Variants in IGF1R observed in about 807,000 individuals in gnomAD.
IGF1R encodes insulin like growth factor 1 receptor.
IGF1R carries 44 observed loss-of-function variants against 144.6 expected under a neutral mutation model. That is an observed-to-expected ratio of 0.30 (90% confidence interval 0.24 to 0.39). The LOEUF is 0.39. Ranked by LOEUF, IGF1R falls within the 10% of genes least tolerant of loss-of-function variation. IGF1R has a pLI of 1.00. For synonymous variants in IGF1R, 795 were observed against 722.8 expected (o/e 1.10, Z -1.60); for missense variants, 1,355 against 1,833.7 (o/e 0.74, Z 4.77).
At chr15:98,919,528 G>T (rs902097922) in intron 10 of IGF1R, among the ~76,000 whole-genome samples, 1 of 152,158 alleles carries the variant, frequency 6.6e-6, no homozygotes, top group Admixed American at 6.5e-5. Context: ...GTGAAGTGAC[G>T]TGAAGGCAGA....
At chr15:98,820,232 T>TA (rs2056776661) in intron 2 of IGF1R, among the ~76,000 whole-genome samples, 8 of 152,084 alleles carry the variant, frequency 5.3e-5, no homozygotes, top group Non-Finnish European at 7.4e-5. Context: ...ATTCTAGCCT[T>TA]TTTCTCTGGT....
intron 2 of IGF1R, among the ~76,000 whole-genome samples, chr15:98,768,844 C>T (rs1402876632): frequency 6.7e-6 from 1 of 150,032 alleles, no homozygotes; most frequent in Non-Finnish European, 1.5e-5. Flanking sequence ...AGGAGAATGG[C>T]GTGAGCCCAG....
intron 2 of IGF1R, among the ~76,000 whole-genome samples, chr15:98,886,486 A>G (rs77483515): frequency 1.6e-3 from 239 of 152,250 alleles, no homozygotes; most frequent in African/African-American, 5.6e-3. Flanking sequence ...GGGCAAAATC[A>G]GTTTGCTTTT....
chr15:98,886,826 T>A (rs560829706), intron 2 of IGF1R, among the ~76,000 whole-genome samples: 2 of 152,320 alleles, frequency 1.3e-5, no homozygotes, highest in African/African-American at 4.8e-5. Context: ...GCTCCAGGAC[T>A]CTCTAATCCC....
chr15:98,956,297 G>A (rs74032132), intron 20 of IGF1R, among the ~76,000 whole-genome samples: 300 of 152,346 alleles, frequency 2.0e-3, no homozygotes, highest in African/African-American at 7.0e-3. Flanking sequence ...ATCCTGTTCT[G>A]CCTGTCCCTT....
At chr15:98,700,480 G>A (rs1017291810) in intron 1 of IGF1R, among the ~76,000 whole-genome samples, 4 of 152,162 alleles carry the variant, frequency 2.6e-5, no homozygotes, top group African/African-American at 4.8e-5. Context: ...GCTTAGGCCA[G>A]CAGCATCAGC....
chr15:98,747,470 A>C (rs897273049), intron 2 of IGF1R, among the ~76,000 whole-genome samples: 9 of 152,222 alleles, frequency 5.9e-5, no homozygotes, highest in African/African-American at 2.2e-4. Flanking sequence ...TGCTGGGATT[A>C]CAGCCACTGT....
intron 1 of IGF1R, among the ~76,000 whole-genome samples, chr15:98,699,966 T>C (rs1178608680): frequency 2.0e-5 from 3 of 152,184 alleles, no homozygotes; most frequent in African/African-American, 4.8e-5. Context: ...CTGTGTGAAA[T>C]GGGAATGTAT....
intron 2 of IGF1R, among the ~76,000 whole-genome samples, chr15:98,737,024 C>A (rs1044206809): frequency 6.6e-6 from 1 of 152,092 alleles, no homozygotes; most frequent in African/African-American, 2.4e-5. Context: ...AAGATGTATT[C>A]AAAGTCAGTC....
intron 2 of IGF1R, among the ~76,000 whole-genome samples, chr15:98,775,262 C>G (rs1265459382): frequency 6.6e-6 from 1 of 152,122 alleles, no homozygotes; most frequent in South Asian, 2.1e-4. Flanking sequence ...CTTTTGTGTC[C>G]TGCCCCATCT....
chr15:98,661,584 C>T (rs1290447730), intron 1 of IGF1R, among the ~76,000 whole-genome samples: 2 of 152,176 alleles, frequency 1.3e-5, no homozygotes, highest in African/African-American at 4.8e-5. Context: ...GACAGCCTGG[C>T]CTGTCTTTGC....
At position 98,962,593 on chromosome 15, in the gene IGF1R, T is replaced by C. The variant is rs28393861; in HGVS notation, c.*5151T>C. 0.018 allele frequency: 4,259 copies of C among 233,772 alleles called. 50 individuals carry two copies. Among genetic ancestry groups the C allele is most frequent in the Middle Eastern group, 0.037 (29 of 788 alleles). 14.5% of individuals were successfully genotyped at this position (233,772 alleles called of 1,614,324 possible). On this transcript the variant is annotated 3_prime_UTR_variant, in exon 21 of 21. Transcript: ENST00000650285. ...CATCTTAGATGACTGGTTGCGTCAT[T>C]TGGAGAAGTGAGTGCTCCTTGATGG...
intron 2 of IGF1R, among the ~76,000 whole-genome samples, chr15:98,736,813 T>C (rs536134944): frequency 2.7e-4 from 41 of 152,080 alleles, no homozygotes; most frequent in Non-Finnish European, 5.3e-4. Flanking sequence ...CGTTTCACCA[T>C]GTTGCCCAGG....
chr15:98,938,144 G>T (rs1464298758), intron 17 of IGF1R, among the ~76,000 whole-genome samples: 1 of 152,218 alleles, frequency 6.6e-6, no homozygotes, highest in African/African-American at 2.4e-5. Flanking sequence ...CATTGACTAT[G>T]TGCCACGCAC....
chr15:98,771,858 A>G (rs8033169), intron 2 of IGF1R, among the ~76,000 whole-genome samples: 140,041 of 152,158 alleles, frequency 0.92, 65,584 homozygotes, highest in East Asian at 1. Context: ...AGTTACTGAC[A>G]TTCAAGCTGA....
chr15:98,734,639 C>G (rs1054995742), intron 2 of IGF1R: 4 of 152,306 alleles, frequency 2.6e-5, no homozygotes, highest in African/African-American at 9.6e-5. Flanking sequence ...GTGTTTTGGA[C>G]TAATTGGTGA....
intron 2 of IGF1R, among the ~76,000 whole-genome samples, chr15:98,748,702 C>T (rs2054930432): frequency 6.6e-6 from 1 of 152,196 alleles, no homozygotes; most frequent in Admixed American, 6.5e-5. Flanking sequence ...TGGCCTTTGT[C>T]AGCTTTCAGA....
intron 15 of IGF1R, among the ~76,000 whole-genome samples, chr15:98,931,581 A>G (rs1202496729): frequency 6.6e-6 from 1 of 152,080 alleles, no homozygotes; most frequent in Non-Finnish European, 1.5e-5. Flanking sequence ...GTTTTTTAAT[A>G]GTAATATATA....
intron 2 of IGF1R, among the ~76,000 whole-genome samples, chr15:98,870,755 G>C (rs2012740248): frequency 6.6e-6 from 1 of 152,190 alleles, no homozygotes; most frequent in African/African-American, 2.4e-5. Flanking sequence ...CCAAATGGAT[G>C]AGTGAATGCA....
Sources: gnomAD v4.1 joint callset for allele counts (sites outside exome capture counted in the v4.1 genomes callset) on GRCh38, gnomAD v4.1.1 for gene constraint, MANE v1.5 for transcripts, NCBI Gene and HGNC (gene_info 2026-07-23, HGNC 2026-07-21) for gene names.